Variants in OTUD7B observed in about 807,000 individuals in gnomAD.
OTUD7B encodes the protein OTU deubiquitinase 7B, also known as OTU domain-containing protein 7B.
In OTUD7B, 34 loss-of-function variants were observed where a neutral mutation model predicts 82.2. The observed-to-expected ratio is 0.41, with a 90% confidence interval of 0.31 to 0.55. The LOEUF (loss-of-function observed/expected upper bound fraction) is 0.55, where lower values mean the gene tolerates loss of function less well. Ranked by LOEUF, OTUD7B falls within the 20% of genes least tolerant of loss-of-function variation. The pLI, the probability that OTUD7B is intolerant of heterozygous loss-of-function variation, is 0.20. For missense variants in OTUD7B, 944 were observed against 1,062.1 expected, an observed-to-expected ratio of 0.89 and a Z score of 1.55; for synonymous variants, 398 against 402.7, an observed-to-expected ratio of 0.99 and a Z score of 0.14.
intron 1 of OTUD7B, among the ~76,000 whole-genome samples, chr1:150,009,058 C>A (rs1251180704): frequency 1.3e-5 from 2 of 152,078 alleles, no homozygotes; most frequent in Non-Finnish European, 2.9e-5. Context: ...GGTTACTGAA[C>A]GTTAAAAGAA....
In OTUD7B at chr1:149,964,285, C is replaced by T; in HGVS notation, c.669G>A (p.Lys223=). ...LRKALYALME[K]GVEKEALKRR... is the part of the protein sequence containing the mutation. Reference sequence around the variant, plus strand: ...TTTTCAACGCTTCCTTCTCAACTCCCTTCTCCATCAGTGCATACAAAGCTT... The same window carrying T: ...TTTTCAACGCTTCCTTCTCAACTCCTTTCTCCATCAGTGCATACAAAGCTT... Residue 223 remains lysine, a synonymous_variant, in exon 6 of 12, where the codon AAG becomes AAA. Coordinates refer to ENST00000581312, the MANE Select transcript of OTUD7B (RefSeq NM_020205.4). 1 of 1,614,134 alleles carries T rather than the reference C, an allele frequency of 6.2e-7. No individual in the cohort carries two copies.
intron 7 of OTUD7B, among the ~76,000 whole-genome samples, chr1:149,953,434 T>G (rs1648419139): frequency 6.6e-6 from 1 of 152,260 alleles, no homozygotes; most frequent in South Asian, 2.1e-4. Context: ...AATACCATGC[T>G]GTTTTGGTTA....
intron 1 of OTUD7B, among the ~76,000 whole-genome samples, chr1:149,989,565 CA>C (rs1488921755): frequency 2.7e-5 from 4 of 148,014 alleles, no homozygotes; most frequent in Non-Finnish European, 5.9e-5. Context: ...CTACAAAAAA[CA>C]AAACAAACAA....
At chr1:150,029,165 T>C in the OTUD7B span, among the ~76,000 whole-genome samples, 1 of 152,170 alleles carries the variant, frequency 6.6e-6, no homozygotes, top group Admixed American at 6.5e-5. Flanking sequence ...TGTTTCCAAA[T>C]CTCAAAAGAT....
chr1:149,987,989 C>A (rs763354064), intron 1 of OTUD7B, among the ~76,000 whole-genome samples: 5 of 152,266 alleles, frequency 3.3e-5, no homozygotes, highest in Middle Eastern at 6.8e-3. Context: ...CTACCTCCCC[C>A]ACCTGTACCT....
At chr1:150,062,003 A>G in the OTUD7B span, among the ~76,000 whole-genome samples, 1 of 152,136 alleles carries the variant, frequency 6.6e-6, no homozygotes, top group South Asian at 2.1e-4. Context: ...GCCCAGAACC[A>G]TATTTCTGTC....
At chr1:150,005,223 T>C (rs1159640408) in intron 1 of OTUD7B, among the ~76,000 whole-genome samples, 1 of 152,208 alleles carries the variant, frequency 6.6e-6, no homozygotes, top group Admixed American at 6.5e-5. Context: ...TACTCCCAAC[T>C]GGACTGTAAA....
In OTUD7B at chr1:149,990,088, G is replaced by C. The variant is rs1489252067; in HGVS notation, c.-66-12512C>G. ...ACCATCTACCAGGCACTGCCATGGG[G>C]CCTGGAGATATCCCAGTCTTACCTT... On this transcript the variant is annotated intron_variant, in intron 1 of 11. Coordinates refer to ENST00000581312, the MANE Select transcript of OTUD7B (RefSeq NM_020205.4). Among the ~76,000 whole-genome samples the C allele has an allele frequency of 2.0e-5, 3 of 152,280 alleles. No homozygotes were observed. The East Asian group carries it at 5.8e-4, about 29-fold the overall frequency.
At chr1:150,062,790 C>T in the OTUD7B span, among the ~76,000 whole-genome samples, 1 of 142,330 alleles carries the variant, frequency 7.0e-6, no homozygotes, top group African/African-American at 2.6e-5. Context: ...TCTCGGCTCA[C>T]TGCAACCTCC....
chr1:149,997,175 G>A (rs1439011260), intron 1 of OTUD7B, among the ~76,000 whole-genome samples: 1 of 152,080 alleles, frequency 6.6e-6, no homozygotes, highest in East Asian at 1.9e-4. Flanking sequence ...CAATCCTCAA[G>A]TATCTGTTAT....
chr1:149,994,858 C>T (rs1280057654), intron 1 of OTUD7B, among the ~76,000 whole-genome samples: 1 of 152,148 alleles, frequency 6.6e-6, no homozygotes, highest in Non-Finnish European at 1.5e-5. Flanking sequence ...ATTGGACTGA[C>T]TCTAGCAATG....
At chr1:149,980,735 G>A (rs1404067205) in intron 1 of OTUD7B, among the ~76,000 whole-genome samples, 2 of 151,980 alleles carry the variant, frequency 1.3e-5, no homozygotes, top group Admixed American at 6.6e-5. Flanking sequence ...AGTTTGGGCT[G>A]GGCACAGTGG....
At chr1:150,058,068 G>A in the OTUD7B span, among the ~76,000 whole-genome samples, 4 of 152,170 alleles carry the variant, frequency 2.6e-5, no homozygotes, top group East Asian at 7.7e-4. Flanking sequence ...AGATTTAGGG[G>A]TAAAGAATAG....
rs1191317039 is a variant in OTUD7B at position 149,942,438 on chromosome 1, G to T, written c.*1419C>A. ...CTTGTGCTTTGTGCAAAATGCGAAGGAGCTCCCCCTACTGTGTCCGCATCC... is the reference window on the plus strand; with the variant it reads ...CTTGTGCTTTGTGCAAAATGCGAAGTAGCTCCCCCTACTGTGTCCGCATCC... On this transcript the variant is annotated 3_prime_UTR_variant, in exon 12 of 12. Transcript: ENST00000581312. 6.6e-6 allele frequency: 1 copy of T among 152,568 alleles called. No individual in the cohort carries two copies. 9.5% of individuals were successfully genotyped at this position (152,568 alleles called of 1,614,324 possible).
intron 1 of OTUD7B, among the ~76,000 whole-genome samples, chr1:149,993,891 C>A (rs1226452183): frequency 3.3e-5 from 5 of 152,106 alleles, no homozygotes; most frequent in African/African-American, 1.2e-4. Flanking sequence ...ACATGTAAAT[C>A]CTGTTTAAAC....
At chr1:150,007,683 T>C (rs1652755616) in intron 1 of OTUD7B, among the ~76,000 whole-genome samples, 1 of 152,214 alleles carries the variant, frequency 6.6e-6, no homozygotes, top group South Asian at 2.1e-4. Context: ...GGATGTCTTA[T>C]TTAAAAACAA....
chr1:149,987,177 A>G (rs1054643646), intron 1 of OTUD7B, among the ~76,000 whole-genome samples: 16 of 152,372 alleles, frequency 1.1e-4, no homozygotes, highest in Middle Eastern at 3.4e-3. Flanking sequence ...CCAAGGCAAC[A>G]CAGGTAAAAG....
intron 1 of OTUD7B, among the ~76,000 whole-genome samples, chr1:149,987,857 A>G (rs1425863754): frequency 6.6e-6 from 1 of 152,140 alleles, no homozygotes; most frequent in Non-Finnish European, 1.5e-5. Context: ...AAATAACAGC[A>G]AAAGAAAAGT....
chr1:149,958,557 G>A (rs782652799), intron 7 of OTUD7B, among the ~76,000 whole-genome samples: 3 of 151,676 alleles, frequency 2.0e-5, no homozygotes, highest in Admixed American at 6.6e-5. Context: ...TCGAATTCCC[G>A]CCCACCTCGG....
Sources: allele counts gnomAD v4.1 joint callset (sites outside exome capture counted in the v4.1 genomes callset), GRCh38; gene constraint gnomAD v4.1.1; transcripts MANE v1.5; gene names NCBI Gene and HGNC (gene_info 2026-07-23, HGNC 2026-07-21).